Variants in SPON1 observed in about 807,000 individuals in gnomAD.
SPON1 encodes spondin-1.
In SPON1, 52 loss-of-function variants were observed where a neutral mutation model predicts 111.7. That is an observed-to-expected ratio of 0.47 (90% CI 0.37 to 0.59). The LOEUF (loss-of-function observed/expected upper bound fraction) is 0.59. Among genes scored for constraint, SPON1 ranks in the 20% least tolerant of loss-of-function variants. The pLI is 0.00. For synonymous variants in SPON1, 410 were observed against 395.8 expected (o/e 1.04, Z -0.43); for missense variants, 957 against 1,068.5 (o/e 0.90, Z 1.46).
intron 6 of SPON1, among the ~76,000 whole-genome samples, chr11:14,224,184 C>T (rs1488214326): frequency 2.6e-5 from 4 of 152,142 alleles, no homozygotes; most frequent in Non-Finnish European, 5.9e-5. Context: ...GAAGAGCACA[C>T]AGTTCCTCCC....
rs77086839 is a variant in SPON1, at chr11:14,121,444, G to C, written c.677-13976G>C. Among the ~76,000 whole-genome samples, 302 of 152,258 alleles carry C rather than the reference G, an allele frequency of 2.0e-3. 1 individual carries two copies. The highest frequency in any genetic ancestry group is 6.9e-3 in the African/African-American group (285 of 41,550). ...AAGATTTGGTGGAGAAAATAAGCTC[G>C]GGTTCAGATTGCAAGGAAGATAATT... On this transcript the variant is annotated intron_variant, in intron 5 of 15. Transcript: ENST00000576479.
At chr11:14,066,599 T>G (rs1170085793) in intron 3 of SPON1, among the ~76,000 whole-genome samples, 1 of 152,134 alleles carries the variant, frequency 6.6e-6, no homozygotes, top group East Asian at 1.9e-4. Context: ...GGATTTCCGC[T>G]CTTTCCTGAG....
At chr11:14,035,732 C>G (rs11023058) in intron 2 of SPON1, among the ~76,000 whole-genome samples, 45,241 of 151,688 alleles carry the variant, frequency 0.3, 7,810 homozygotes, top group South Asian at 0.51. Flanking sequence ...ATCCTTCTAC[C>G]TCAGCCTCCC....
chr11:14,159,881 G>C (rs1050421608), intron 6 of SPON1, among the ~76,000 whole-genome samples: 2 of 145,796 alleles, frequency 1.4e-5, no homozygotes, highest in African/African-American at 2.5e-5. Context: ...AATTTCCAGA[G>C]GCTGGGAAGG....
intron 6 of SPON1, among the ~76,000 whole-genome samples, chr11:14,137,182 T>G (rs1286544047): frequency 6.6e-6 from 1 of 152,202 alleles, no homozygotes; most frequent in Non-Finnish European, 1.5e-5. Context: ...TAACTGGAAC[T>G]ATATTGTGCT....
At chr11:14,216,553 G>C (rs920087812) in intron 6 of SPON1, among the ~76,000 whole-genome samples, 2 of 152,246 alleles carry the variant, frequency 1.3e-5, no homozygotes, top group Middle Eastern at 3.4e-3. Flanking sequence ...TAGCTTCATA[G>C]TTCTGGAGGC....
intron 2 of SPON1, among the ~76,000 whole-genome samples, chr11:14,036,260 T>A (rs558523415): frequency 1.3e-5 from 2 of 152,222 alleles, no homozygotes; most frequent in Non-Finnish European, 2.9e-5. Context: ...GATAACAAAT[T>A]GGAGAAAGAC....
At chr11:14,077,662 T>A (rs1368411323) in intron 4 of SPON1, among the ~76,000 whole-genome samples, 3 of 151,882 alleles carry the variant, frequency 2.0e-5, no homozygotes, top group African/African-American at 7.3e-5. Flanking sequence ...GTCTCACAAG[T>A]AAGATCTAAA....
rs573305699 is a variant in SPON1, at chr11:14,073,065, G to A, written c.480-2280G>A. Among the ~76,000 whole-genome samples, 4 of 152,130 alleles carry A rather than the reference G, an allele frequency of 2.6e-5. No individual in the cohort carries two copies. In the South Asian group the frequency reaches 6.2e-4, roughly 24 times the overall value. On this transcript the variant is annotated intron_variant, in intron 3 of 15. Coordinates refer to ENST00000576479, the MANE Select transcript of SPON1 (RefSeq NM_006108.4). The stretch of plus-strand genomic sequence containing the variant: ...TACACAATGAGGTATCTTGGGATGG[G>A]ACCCAAGTCTAAACACAAAATTCAT...
intron 6 of SPON1, among the ~76,000 whole-genome samples, chr11:14,168,331 G>C: frequency 6.6e-6 from 1 of 152,032 alleles, no homozygotes; most frequent in East Asian, 1.9e-4. Context: ...ATTTCCAAAA[G>C]ATTACTAAAG....
intron 6 of SPON1, among the ~76,000 whole-genome samples, chr11:14,166,497 T>C (rs375235592): frequency 6.6e-6 from 1 of 152,330 alleles, no homozygotes; most frequent in South Asian, 2.1e-4. Context: ...GGCTTTTTCA[T>C]GTACTCCAAT....
At chr11:14,187,061 G>A (rs1275518755) in intron 6 of SPON1, among the ~76,000 whole-genome samples, 4 of 152,142 alleles carry the variant, frequency 2.6e-5, no homozygotes, top group African/African-American at 2.4e-5. Flanking sequence ...CTCGGCTTCC[G>A]GTGAGGTCTC....
At chr11:14,047,978 G>A (rs1450193930) in intron 3 of SPON1, among the ~76,000 whole-genome samples, 6 of 152,292 alleles carry the variant, frequency 3.9e-5, no homozygotes, top group South Asian at 2.1e-4. Flanking sequence ...GGTGGCTCAC[G>A]CCTGTAATCC....
At chr11:14,241,939 A>G (rs143598617) in intron 6 of SPON1, among the ~76,000 whole-genome samples, 2 of 152,126 alleles carry the variant, frequency 1.3e-5, no homozygotes, top group Non-Finnish European at 2.9e-5. Context: ...GGGGAGCCTG[A>G]GCCTAGGAGG....
chr11:14,258,925 G>T (rs1849140174), intron 11 of SPON1, among the ~76,000 whole-genome samples: 1 of 152,144 alleles, frequency 6.6e-6, no homozygotes, highest in South Asian at 2.1e-4. Flanking sequence ...CCACAGGGAA[G>T]GATTGTTCCT....
At chr11:14,026,902 A>C (rs1848522930) in intron 2 of SPON1, among the ~76,000 whole-genome samples, 1 of 152,098 alleles carries the variant, frequency 6.6e-6, no homozygotes, top group Non-Finnish European at 1.5e-5. Flanking sequence ...TGTAAGTGAG[A>C]CCAGAAACAA....
chr11:14,260,716 C>G lies in SPON1; in HGVS notation c.1960C>G (p.Leu654Val). Reference protein sequence around the residue: ...LAELGDCNEDLEQVEKCMLPE... With the variant: ...LAELGDCNEDVEQVEKCMLPE... ...AGAACTTGGAGACTGCAATGAGGAT[C>G]TGGAGCAGGTGGAGAAGTGCATGCT... Residue 654 changes from leucine (L) to valine (V), a missense_variant, in exon 14 of 16, where the codon CTG becomes GTG. Transcript: ENST00000576479. 5 of 1,613,960 alleles carry G rather than the reference C, an allele frequency of 3.1e-6. No homozygotes were observed. Among genetic ancestry groups the G allele is most frequent in the Non-Finnish European group, 4.2e-6 (5 of 1,179,870 alleles).
intron 2 of SPON1, among the ~76,000 whole-genome samples, chr11:14,004,174 C>A (rs1848341643): frequency 6.6e-6 from 1 of 152,088 alleles, no homozygotes; most frequent in Non-Finnish European, 1.5e-5. Context: ...CACACATACA[C>A]ACACACACAC....
chr11:14,150,890 G>C (rs1847779784), intron 6 of SPON1, among the ~76,000 whole-genome samples: 1 of 152,196 alleles, frequency 6.6e-6, no homozygotes, highest in African/African-American at 2.4e-5. Flanking sequence ...ATTCTCAGTA[G>C]ATGCTAAAAT....
Sources: gnomAD v4.1 joint callset for allele counts (sites outside exome capture counted in the v4.1 genomes callset) on GRCh38, gnomAD v4.1.1 for gene constraint, MANE v1.5 for transcripts, NCBI Gene and HGNC (gene_info 2026-07-23, HGNC 2026-07-21) for gene names.